SLC9A9: variants seen among roughly 807,000 people sequenced by gnomAD.
The protein encoded by SLC9A9 is sodium/hydrogen exchanger 9.
In SLC9A9, 62 loss-of-function variants were observed where a neutral mutation model predicts 77.8. The observed-to-expected ratio is 0.80, with a 90% CI of 0.65 to 0.98. The LOEUF is 0.98. Ranked by LOEUF, SLC9A9 falls within the 50% of genes least tolerant of loss-of-function variation. SLC9A9 has a pLI of 0.00. For synonymous variants in SLC9A9, 320 were observed against 283.5 expected, an observed-to-expected ratio of 1.13 and a Z score of -1.29; for missense variants, 775 against 774.9, an observed-to-expected ratio of 1.00 and a Z score of 0.00.
At chr3:143,409,765 G>A (rs2034055383) in intron 12 of SLC9A9, among the ~76,000 whole-genome samples, 1 of 152,202 alleles carries the variant, frequency 6.6e-6, no homozygotes, top group African/African-American at 2.4e-5. Flanking sequence ...AAGAACGTTT[G>A]TTAGCAGATT....
chr3:143,661,739 G>C (rs1325482131), intron 5 of SLC9A9, among the ~76,000 whole-genome samples: 1 of 152,078 alleles, frequency 6.6e-6, no homozygotes, highest in Non-Finnish European at 1.5e-5. Context: ...TGGCCAGGCT[G>C]GTCTCGAACT....
chr3:143,635,915 C>T (rs1045979932), intron 6 of SLC9A9, among the ~76,000 whole-genome samples: 15 of 152,280 alleles, frequency 9.9e-5, no homozygotes, highest in South Asian at 2.1e-4. Context: ...CCTGTTTCAA[C>T]GGCTATTTTT....
At chr3:143,417,902 T>C (rs1208459511) in intron 12 of SLC9A9, among the ~76,000 whole-genome samples, 10 of 151,914 alleles carry the variant, frequency 6.6e-5, no homozygotes, top group African/African-American at 1.5e-4. Context: ...CAGGATTCTG[T>C]AGTTTTTGCT....
intron 14 of SLC9A9, among the ~76,000 whole-genome samples, chr3:143,298,573 GA>G (rs1416593041): frequency 6.6e-6 from 1 of 152,218 alleles, no homozygotes; most frequent in African/African-American, 2.4e-5. Flanking sequence ...CCTTGGAACA[GA>G]TGCTGCTGGT....
chr3:143,610,440 C>T (rs2038006180), intron 6 of SLC9A9, among the ~76,000 whole-genome samples: 1 of 152,232 alleles, frequency 6.6e-6, no homozygotes, highest in Admixed American at 6.5e-5. Context: ...GGCCACTATG[C>T]TCAGCCCACA....
intron 6 of SLC9A9, among the ~76,000 whole-genome samples, chr3:143,625,798 C>A (rs1314598677): frequency 2.0e-5 from 3 of 152,218 alleles, no homozygotes; most frequent in South Asian, 2.1e-4. Context: ...TTCTGCACAG[C>A]AAAAGAAACT....
intron 12 of SLC9A9, among the ~76,000 whole-genome samples, chr3:143,393,823 C>T (rs1295092600): frequency 1.3e-5 from 2 of 151,922 alleles, no homozygotes; most frequent in African/African-American, 4.8e-5. Flanking sequence ...CTATAAACAT[C>T]TCTATGCAAA....
intron 4 of SLC9A9, among the ~76,000 whole-genome samples, chr3:143,787,891 G>C (rs1466713795): frequency 6.6e-6 from 1 of 151,280 alleles, no homozygotes; most frequent in Non-Finnish European, 1.5e-5. Flanking sequence ...ATATATATTG[G>C]AGTAAATTTA....
intron 6 of SLC9A9, among the ~76,000 whole-genome samples, chr3:143,645,078 C>A (rs16853964): frequency 0.29 from 43,412 of 152,014 alleles, 7,595 homozygotes; most frequent in African/African-American, 0.5. Context: ...TTGGAAGAAG[C>A]AGAATGAACA....
chr3:143,359,581 C>A (rs2032685713), intron 14 of SLC9A9, among the ~76,000 whole-genome samples: 1 of 152,110 alleles, frequency 6.6e-6, no homozygotes, highest in South Asian at 2.1e-4. Context: ...GACAGGGTAG[C>A]TGGAGCAGAG....
rs758208307 is a variant in SLC9A9, at chr3:143,266,717, T to C, written c.1923A>G (p.Gln641=). The C allele has an allele frequency of 3.1e-6, 5 of 1,614,174 alleles. No individual in the cohort carries two copies. In the East Asian group the frequency reaches 1.1e-4, roughly 36 times the overall value. The change falls in exon 16 of 16, where the codon CAA becomes CAG. Residue 641 remains glutamine (Q), a synonymous_variant. Transcript: ENST00000316549. ...YELKLEQTLG[Q]SQLN is the part of the protein sequence containing the mutation. ...TTCATGCCAATTAATTCAACTGGGA[T>C]TGACCCAAAGTTTGCTCAAGCTTGA...
chr3:143,521,429 G>A (rs943289492), intron 9 of SLC9A9, among the ~76,000 whole-genome samples: 13 of 152,048 alleles, frequency 8.5e-5, no homozygotes, highest in Non-Finnish European at 1.9e-4. Flanking sequence ...ACATATATGC[G>A]CTTTTCTTCA....
chr3:143,624,446 C>T (rs1559999429), intron 6 of SLC9A9, among the ~76,000 whole-genome samples: 3 of 152,146 alleles, frequency 2.0e-5, no homozygotes. Flanking sequence ...CCCTGGGATG[C>T]AAGACTGGTT....
chr3:143,586,272 C>T (rs1346691881), intron 6 of SLC9A9, among the ~76,000 whole-genome samples: 1 of 152,238 alleles, frequency 6.6e-6, no homozygotes, highest in Non-Finnish European at 1.5e-5. Flanking sequence ...TTAGCAACTT[C>T]TGTTTTCAGC....
At chr3:143,320,174 C>G (rs911595878) in intron 14 of SLC9A9, among the ~76,000 whole-genome samples, 1 of 152,208 alleles carries the variant, frequency 6.6e-6, no homozygotes, top group Non-Finnish European at 1.5e-5. Context: ...ACCAATGGTT[C>G]CACGAGGGCA....
intron 4 of SLC9A9, among the ~76,000 whole-genome samples, chr3:143,703,684 C>G (rs1286693448): frequency 6.6e-6 from 1 of 151,800 alleles, no homozygotes; most frequent in Non-Finnish European, 1.5e-5. Context: ...GAACCAAACC[C>G]AAAGTTAGTG....
chr3:143,623,148 C>T (rs2038252981), intron 6 of SLC9A9, among the ~76,000 whole-genome samples: 2 of 152,178 alleles, frequency 1.3e-5, no homozygotes, highest in South Asian at 4.1e-4. Context: ...GACTTAGACT[C>T]CCACACAATA....
intron 14 of SLC9A9, among the ~76,000 whole-genome samples, chr3:143,360,092 G>T (rs551353820): frequency 6.6e-6 from 1 of 152,276 alleles, no homozygotes; most frequent in South Asian, 2.1e-4. Flanking sequence ...AATCAAGTTT[G>T]TTTAGGTATC....
chr3:143,847,169 G>A (rs2009848489), intron 1 of SLC9A9, among the ~76,000 whole-genome samples: 1 of 152,086 alleles, frequency 6.6e-6, no homozygotes, highest in African/African-American at 2.4e-5. Context: ...CTTAGGAAAG[G>A]GTTTCAGGAT....
Sources: gnomAD v4.1 joint callset for allele counts (sites outside exome capture counted in the v4.1 genomes callset) on GRCh38, gnomAD v4.1.1 for gene constraint, MANE v1.5 for transcripts, NCBI Gene and HGNC (gene_info 2026-07-23, HGNC 2026-07-21) for gene names.